Variants in LTN1 observed in about 807,000 individuals in gnomAD.
LTN1 encodes E3 ubiquitin-protein ligase listerin.
LTN1 carries 88 observed loss-of-function variants against 201.2 expected under a neutral mutation model. The ratio of observed to expected loss-of-function variants is 0.44; its 90% CI spans 0.37 to 0.52. LTN1 has a LOEUF of 0.52. LTN1 is among the 20% of genes least tolerant of loss of function. The pLI is 0.00. For missense variants in LTN1, 1,752 were observed against 2,038.7 expected, an observed-to-expected ratio of 0.86 and a Z score of 2.71; for synonymous variants, 645 against 713.5, an observed-to-expected ratio of 0.90 and a Z score of 1.53.
chr21:28,954,159 T>C (rs951736932), intron 16 of LTN1, among the ~76,000 whole-genome samples: 11 of 152,222 alleles, frequency 7.2e-5, no homozygotes, highest in Non-Finnish European at 1.6e-4. Context: ...CAAAAAATTA[T>C]TACTCTACTT....
chr21:28,953,989 T>A (rs56114317), intron 16 of LTN1, among the ~76,000 whole-genome samples: 32,133 of 152,086 alleles, frequency 0.21, 3,800 homozygotes, highest in South Asian at 0.26. Context: ...CATGTATAGC[T>A]TTTGGAGTCA....
chr21:28,988,709 G>A (rs1397363358), intron 1 of LTN1, among the ~76,000 whole-genome samples: 1 of 151,766 alleles, frequency 6.6e-6, no homozygotes, highest in African/African-American at 2.4e-5. Flanking sequence ...GTTCACGTCT[G>A]TAATCCCAGC....
intron 11 of LTN1, among the ~76,000 whole-genome samples, chr21:28,962,019 A>C (rs2084483522): frequency 6.6e-6 from 1 of 152,174 alleles, no homozygotes; most frequent in Non-Finnish European, 1.5e-5. Context: ...GTCTCAAAAA[A>C]AAAAGATGAT....
intron 21 of LTN1, among the ~76,000 whole-genome samples, chr21:28,945,102 A>G (rs1286443824): frequency 6.6e-6 from 1 of 152,100 alleles, no homozygotes; most frequent in Non-Finnish European, 1.5e-5. Flanking sequence ...GGCATCTGTA[A>G]TCCTGCTATT....
chr21:28,951,797 C>T (rs191526549), intron 18 of LTN1, among the ~76,000 whole-genome samples: 240 of 152,206 alleles, frequency 1.6e-3, no homozygotes, highest in Non-Finnish European at 1.9e-3. Context: ...CCTGGCAAGA[C>T]ACCATCCCTA....
At position 28,986,524 on chromosome 21, in the gene LTN1, A is replaced by G; in HGVS notation, c.246+207T>C. On this transcript the variant is annotated intron_variant, in intron 2 of 29. Coordinates refer to ENST00000361371, the MANE Select transcript of LTN1 (RefSeq NM_015565.3). The surrounding 1 kb of genome is among the most constrained non-coding windows in gnomAD (Gnocchi z 4.1). Reference sequence around the variant, plus strand: ...AACTATACAGCCAAAATTCCAAAGCACTTTAAAAAAGTTCACTGTAACAAA... The same window carrying G: ...AACTATACAGCCAAAATTCCAAAGCGCTTTAAAAAAGTTCACTGTAACAAA... 1.5e-6 allele frequency: 1 copy of G among 651,542 alleles called. No homozygotes were observed. Among genetic ancestry groups the G allele is most frequent in the Non-Finnish European group, 2.7e-6 (1 of 373,030 alleles). The allele number at this position is 651,542 out of a possible 1,614,324, so 40.4% of individuals were successfully genotyped here.
intron 6 of LTN1, among the ~76,000 whole-genome samples, chr21:28,976,620 G>T (rs1281451284): frequency 6.7e-6 from 1 of 150,276 alleles, no homozygotes; most frequent in East Asian, 1.9e-4. Context: ...AAAAAAAATT[G>T]AAAGAGATGA....
At chr21:28,990,485 G>A (rs992583748) in intron 1 of LTN1, among the ~76,000 whole-genome samples, 1 of 152,196 alleles carries the variant, frequency 6.6e-6, no homozygotes, top group Non-Finnish European at 1.5e-5. Context: ...ATTCCAGCAA[G>A]AATCAAAGGG....
Position 28,960,716 on chromosome 21 carries a change from T to C in LTN1, c.2164-10A>G. On this transcript the variant is annotated splice_polypyrimidine_tract_variant and intron_variant, in intron 11 of 29. Coordinates refer to ENST00000361371, the MANE Select transcript of LTN1 (RefSeq NM_015565.3). The stretch of plus-strand genomic sequence containing the variant: ...CTGAACTAGGACATGCCTAAAACCA[T>C]AAAATTAAAGCAAAGATTAACAGCA... 1 of 1,597,644 alleles carries C rather than the reference T, an allele frequency of 6.3e-7. No individual in the cohort carries two copies. Among genetic ancestry groups the C allele is most frequent in the South Asian group, 1.1e-5 (1 of 89,848 alleles).
intron 6 of LTN1, among the ~76,000 whole-genome samples, chr21:28,980,406 G>T (rs2084649282): frequency 2.0e-5 from 2 of 101,130 alleles, no homozygotes; most frequent in African/African-American, 7.6e-5. Flanking sequence ...GGTGGGGGGA[G>T]GGGGGAGGGA....
intron 11 of LTN1, among the ~76,000 whole-genome samples, chr21:28,964,309 G>A (rs2084503253): frequency 6.6e-6 from 1 of 152,120 alleles, no homozygotes; most frequent in Non-Finnish European, 1.5e-5. Flanking sequence ...CCAGCCTTCA[G>A]ATACCACCAC....
intron 8 of LTN1, 27 bp downstream of exon 8, chr21:28,970,525 T>C: frequency 1.3e-6 from 2 of 1,513,542 alleles, no homozygotes; most frequent in Non-Finnish European, 1.8e-6. Flanking sequence ...TGTTTTGTTT[T>C]AAAAATCAAA....
chr21:28,945,675 C>A, intron 21 of LTN1, 132 bp downstream of exon 21: 1 of 736,578 alleles, frequency 1.4e-6, no homozygotes, highest in Non-Finnish European at 2.1e-6. Context: ...AGAAGAACAT[C>A]TATAAAGTGT....
At chr21:28,990,357 G>C (rs2084735149) in intron 1 of LTN1, among the ~76,000 whole-genome samples, 1 of 152,174 alleles carries the variant, frequency 6.6e-6, no homozygotes, top group African/African-American at 2.4e-5. Flanking sequence ...GCTTAGGCAA[G>C]CTAATTTCTC....
At chr21:28,958,750 T>A (rs1371862474) in intron 13 of LTN1, among the ~76,000 whole-genome samples, 1 of 152,244 alleles carries the variant, frequency 6.6e-6, no homozygotes, top group Non-Finnish European at 1.5e-5. Context: ...CATATAAATG[T>A]AAAATGGTAA....
At chr21:28,992,287 A>G (rs544126133) in intron 1 of LTN1, among the ~76,000 whole-genome samples, 42 of 152,286 alleles carry the variant, frequency 2.8e-4, no homozygotes, top group African/African-American at 1.0e-3. Flanking sequence ...GCAGATGGAA[A>G]GGGGTAACAG....
chr21:28,965,763 CCTGA>C (rs1409429256), intron 11 of LTN1, 98 bp downstream of exon 11: 2 of 659,366 alleles, frequency 3.0e-6, no homozygotes, highest in African/African-American at 1.9e-5. Context: ...TAACACAGAA[CCTGA>C]CTATCTGACC....
intron 6 of LTN1, 115 bp from the exon 7 acceptor site, chr21:28,971,559 G>T: frequency 1.1e-6 from 1 of 882,936 alleles, no homozygotes; most frequent in Non-Finnish European, 1.7e-6. Flanking sequence ...AACTAAAATA[G>T]CTAGAAAAAA....
intron 9 of LTN1, chr21:28,968,064 A>T (rs1264018261): frequency 6.6e-6 from 1 of 152,256 alleles, no homozygotes; most frequent in African/African-American, 2.4e-5. Context: ...AATTTAAACA[A>T]AGTATTTGTA....
Sources: gnomAD v4.1 joint callset for allele counts (sites outside exome capture counted in the v4.1 genomes callset) on GRCh38, gnomAD v4.1.1 for gene constraint, Gnocchi (gnomAD v3.1) non-coding constraint, MANE v1.5 for transcripts, NCBI Gene and HGNC (gene_info 2026-07-23, HGNC 2026-07-21) for gene names.